SPIDR: variants seen among roughly 807,000 people sequenced by gnomAD.
SPIDR encodes the protein DNA repair-scaffolding protein.
A neutral mutation model predicts 104.6 loss-of-function variants in SPIDR; 93 were observed. The ratio of observed to expected loss-of-function variants is 0.89; its 90% CI spans 0.75 to 1.06. The LOEUF is 1.06. SPIDR is among the 50% of genes least tolerant of loss of function. The pLI is 0.00. For synonymous variants in SPIDR, 431 were observed against 416.9 expected, an observed-to-expected ratio of 1.03 and a Z score of -0.41; for missense variants, 1,154 against 1,111.2, an observed-to-expected ratio of 1.04 and a Z score of -0.55.
intron 1 of SPIDR, among the ~76,000 whole-genome samples, chr8:47,270,271 T>C (rs1323626020): frequency 6.6e-6 from 1 of 152,202 alleles, no homozygotes; most frequent in Non-Finnish European, 1.5e-5. Context: ...TCAGCTTTTC[T>C]TTGTAGGAAG....
chr8:47,537,341 A>G (rs1456409776), intron 8 of SPIDR, among the ~76,000 whole-genome samples: 3 of 152,256 alleles, frequency 2.0e-5, no homozygotes, highest in African/African-American at 7.2e-5. Context: ...ATGGATAAAC[A>G]TACTGGTGCA....
chr8:47,385,447 T>G (rs1356819436), intron 5 of SPIDR, among the ~76,000 whole-genome samples: 1 of 152,262 alleles, frequency 6.6e-6, no homozygotes, highest in Non-Finnish European at 1.5e-5. Flanking sequence ...TGCTACGCTA[T>G]GCCTTCATGT....
chr8:47,417,691 C>T (rs1278596900), intron 7 of SPIDR, among the ~76,000 whole-genome samples: 1 of 152,186 alleles, frequency 6.6e-6, no homozygotes, highest in East Asian at 1.9e-4. Context: ...GACGTGAAGT[C>T]CTTGCCCATA....
intron 10 of SPIDR, among the ~76,000 whole-genome samples, chr8:47,614,207 C>A (rs2063968239): frequency 6.6e-6 from 1 of 151,890 alleles, no homozygotes; most frequent in African/African-American, 2.4e-5. Flanking sequence ...TGATCTCGTT[C>A]CTTCTTTTTT....
At chr8:47,288,581 C>T (rs2039311712) in intron 3 of SPIDR, among the ~76,000 whole-genome samples, 1 of 152,208 alleles carries the variant, frequency 6.6e-6, no homozygotes, top group Admixed American at 6.5e-5. Flanking sequence ...CCGCTCCCTG[C>T]TGATAACTTC....
At position 47,561,830 on chromosome 8, in the gene SPIDR, TTA is replaced by T. The variant is rs533730437; in HGVS notation, c.1098-33977_1098-33976del. Among the ~76,000 whole-genome samples the T allele has an allele frequency of 7.9e-5, 12 of 152,348 alleles. No homozygotes were observed. In the East Asian group the frequency reaches 2.3e-3, roughly 29 times the overall value. On this transcript the variant is annotated intron_variant, in intron 8 of 19. Coordinates refer to ENST00000297423, the MANE Select transcript of SPIDR (RefSeq NM_001080394.4). ...TATAACATGTACGGTAACTGACACA[TTA>T]TATCTCGTACACTGATACAAAGAAG...
intron 11 of SPIDR, among the ~76,000 whole-genome samples, chr8:47,694,268 C>A (rs1281927466): frequency 6.6e-6 from 1 of 152,106 alleles, no homozygotes; most frequent in East Asian, 1.9e-4. Context: ...TCTTAGACTG[C>A]ACTGAAATTA....
chr8:47,302,719 T>C (rs1379409498), intron 5 of SPIDR, among the ~76,000 whole-genome samples: 2 of 152,320 alleles, frequency 1.3e-5, no homozygotes, highest in Admixed American at 1.3e-4. Flanking sequence ...ACTCCAGACC[T>C]TGTTTGCCTG....
intron 8 of SPIDR, among the ~76,000 whole-genome samples, chr8:47,560,810 C>T (rs2154401224): frequency 6.6e-6 from 1 of 152,244 alleles, no homozygotes; most frequent in South Asian, 2.1e-4. Flanking sequence ...CACATTTTGC[C>T]ACTTTAAGAG....
chr8:47,374,832 G>A lies in SPIDR; in HGVS notation c.526-21544G>A, dbSNP rs547295930. On this transcript the variant is annotated intron_variant, in intron 5 of 19. Transcript: ENST00000297423. ...GCACTTTGAGAGGCCAAGATGGGCA[G>A]ATCACTTGAAGTTAGGAAGTTTGAG... Among the ~76,000 whole-genome samples, 4 of 152,288 alleles carry A rather than the reference G, an allele frequency of 2.6e-5. No homozygotes were observed. The South Asian group carries it at 8.3e-4, about 32-fold the overall frequency.
chr8:47,586,160 G>C (rs1198472859), intron 8 of SPIDR, among the ~76,000 whole-genome samples: 1 of 152,138 alleles, frequency 6.6e-6, no homozygotes, highest in East Asian at 1.9e-4. Flanking sequence ...GTTGTTGCCA[G>C]TTTGGGACTA....
intron 8 of SPIDR, among the ~76,000 whole-genome samples, chr8:47,463,795 A>G (rs1269179556): frequency 6.6e-6 from 1 of 152,240 alleles, no homozygotes; most frequent in Non-Finnish European, 1.5e-5. Flanking sequence ...CAGGAAAAGC[A>G]TTTGACAGAA....
intron 5 of SPIDR, among the ~76,000 whole-genome samples, chr8:47,396,099 T>G (rs1024872227): frequency 2.0e-5 from 3 of 152,102 alleles, no homozygotes; most frequent in Non-Finnish European, 2.9e-5. Context: ...GGTACTGTCT[T>G]GTAGTTTCCT....
At chr8:47,381,310 T>C (rs2059299291) in intron 5 of SPIDR, among the ~76,000 whole-genome samples, 1 of 152,216 alleles carries the variant, frequency 6.6e-6, no homozygotes, top group Admixed American at 6.5e-5. Context: ...TATTGACCTG[T>C]CAGCCACCAG....
chr8:47,448,473 C>A (rs2071096987), intron 8 of SPIDR, among the ~76,000 whole-genome samples: 1 of 152,102 alleles, frequency 6.6e-6, no homozygotes, highest in Non-Finnish European at 1.5e-5. Flanking sequence ...ACATGAATGT[C>A]AAATTGTTTC....
chr8:47,548,252 C>T (rs116573122), intron 8 of SPIDR, among the ~76,000 whole-genome samples: 3,440 of 152,162 alleles, frequency 0.023, 103 homozygotes, highest in East Asian at 0.08. Context: ...ATTATACAGA[C>T]GAAGTGAATT....
In SPIDR at chr8:47,396,562, C is replaced by A; in HGVS notation, c.712C>A (p.Pro238Thr). 6.2e-7 allele frequency: 1 copy of A among 1,614,066 alleles called. No individual in the cohort carries two copies. Among genetic ancestry groups the A allele is most frequent in the Non-Finnish European group, 8.5e-7 (1 of 1,180,008 alleles). Residue 238 changes from proline (P) to threonine (T), a missense_variant, in exon 6 of 20, where the codon CCT becomes ACT. By Grantham distance (38) the Pro-to-Thr change is conservative (BLOSUM62 -1). Coordinates refer to ENST00000297423, the MANE Select transcript of SPIDR (RefSeq NM_001080394.4). ...ATCAACAGAGACCATTTTGCATACA[C>A]CTCAGAAACCCACAGCTAAGTTTCC... Reference protein sequence around the residue: ...TKSTETILHTPQKPTAKFPRT... With the variant: ...TKSTETILHTTQKPTAKFPRT...
At chr8:47,439,174 T>G (rs2068911397) in intron 7 of SPIDR, among the ~76,000 whole-genome samples, 1 of 152,202 alleles carries the variant, frequency 6.6e-6, no homozygotes, top group Non-Finnish European at 1.5e-5. Context: ...TCCCATAGTT[T>G]TATAATAGAA....
chr8:47,275,592 A>G (rs1005606000), intron 1 of SPIDR, among the ~76,000 whole-genome samples: 1 of 152,204 alleles, frequency 6.6e-6, no homozygotes, highest in Non-Finnish European at 1.5e-5. Flanking sequence ...ACCTCTGTGT[A>G]AAGAAAATAT....
Sources: gnomAD v4.1 joint callset for allele counts (sites outside exome capture counted in the v4.1 genomes callset) on GRCh38, gnomAD v4.1.1 for gene constraint, MANE v1.5 for transcripts, NCBI Gene and HGNC (gene_info 2026-07-23, HGNC 2026-07-21) for gene names.